The following LIPE variants were observed in gnomAD, a reference collection of about 807,000 sequenced individuals.
LIPE encodes lipase E, hormone sensitive type.
A neutral mutation model predicts 88.5 loss-of-function variants in LIPE; 66 were observed. The observed-to-expected ratio is 0.75, with a 90% confidence interval of 0.61 to 0.91. The LOEUF (loss-of-function observed/expected upper bound fraction) is 0.91. LIPE is among the 40% of genes least tolerant of loss of function. The probability of loss-of-function intolerance (pLI) is 0.00; values close to 1 mark genes in which losing one functional copy is unlikely to be tolerated. For synonymous variants in LIPE, 570 were observed against 617.5 expected, an observed-to-expected ratio of 0.92 and a Z score of 1.14; for missense variants, 1,346 against 1,434.7, an observed-to-expected ratio of 0.94 and a Z score of 1.00.
chr19:42,412,367 C>A, intron 1 of LIPE: 1 of 985,878 alleles, frequency 1.0e-6, no homozygotes, highest in Non-Finnish European at 1.2e-6. Flanking sequence ...ACACTCACCC[C>A]TCCTAGGCAT....
intron 1 of LIPE, chr19:42,423,503 C>T (rs1384035842): frequency 2.3e-6 from 3 of 1,278,688 alleles, no homozygotes; most frequent in Non-Finnish European, 3.0e-6. Flanking sequence ...GCCATAGCGG[C>T]CTCGGCGGGC....
chr19:42,425,778 C>G (rs1194047222), intron 1 of LIPE, among the ~76,000 whole-genome samples: 3 of 152,078 alleles, frequency 2.0e-5, no homozygotes, highest in Non-Finnish European at 4.4e-5. Context: ...CCAGTGCACC[C>G]CAGCCTGGGC....
intron 1 of LIPE, among the ~76,000 whole-genome samples, chr19:42,413,665 TAAAAC>T (rs940619374): frequency 8.5e-4 from 130 of 152,114 alleles, no homozygotes; most frequent in Admixed American, 2.0e-3. Context: ...GACTCTGTCT[TAAAAC>T]AAAACAAAAA....
In LIPE at chr19:42,426,294, G is replaced by C; in HGVS notation, c.856C>G (p.Arg286Gly). 2 of 1,603,170 alleles carry C rather than the reference G, an allele frequency of 1.2e-6. No homozygotes were observed. The highest frequency in any genetic ancestry group is 1.7e-6 in the Non-Finnish European group (2 of 1,170,872). The part of the protein sequence containing the change: ...GTSPHEKTSA[R>G]NHRHYQDTAS... ...GTATCCTGGTAGTGTCTGTGATTCC[G>C]AGCACTGGTTTTCTCATGTGGCGAC... is the stretch of plus-strand genomic sequence containing the variant. The change falls in exon 1 of 10, where the codon CGG becomes GGG. Residue 286 changes from arginine to glycine, a missense_variant. Arg to Gly is a moderately radical substitution (Grantham distance 125). Coordinates refer to ENST00000244289, the MANE Select transcript of LIPE (RefSeq NM_005357.4).
intron 1 of LIPE, among the ~76,000 whole-genome samples, chr19:42,412,857 G>A: frequency 6.6e-6 from 1 of 152,206 alleles, no homozygotes; most frequent in East Asian, 1.9e-4. Flanking sequence ...CAGCTGTTGG[G>A]GGGAGAGAGG....
In LIPE at chr19:42,410,829, G is replaced by C; in HGVS notation, c.897C>G (p.Ile299Met). The change falls in exon 2 of 10, where the codon ATC (isoleucine) becomes ATG (methionine). Residue 299 changes from isoleucine to methionine, a missense_variant. By Grantham distance (10) the Ile-to-Met change is conservative. Transcript: ENST00000244289. The surrounding 1 kb of genome is among the most constrained non-coding windows in gnomAD (Gnocchi z 6.1). ...RHYQDTASRL[I>M]HNMDLRTMTQ... is the part of the protein sequence containing the mutation. ...TCATTGTGCGCAGGTCCATGTTGTG[G>C]ATGAGCCTTGAGGCTGTGGGCAGGT... 1 of 1,560,508 alleles carries C rather than the reference G, an allele frequency of 6.4e-7. No individual in the cohort carries two copies. The highest frequency in any genetic ancestry group is 8.7e-7 in the Non-Finnish European group (1 of 1,150,686).
rs749513328 is a variant in LIPE, at chr19:42,402,595, T to C, written c.2967+12A>G. 7 of 1,475,714 alleles carry C rather than the reference T, an allele frequency of 4.7e-6. No homozygotes were observed. In the Admixed American group the frequency reaches 7.3e-5, roughly 15 times the overall value. 91.4% of individuals were successfully genotyped at this position (1,475,714 alleles called of 1,614,324 possible). ...TCTAAATGCACCTGTACCGGCCCCC[T>C]CTGTCGCTCACCACGATGTGCACAG... On this transcript the variant is annotated intron_variant, in intron 9 of 9. Coordinates refer to ENST00000244289, the MANE Select transcript of LIPE (RefSeq NM_005357.4).
intron 1 of LIPE, among the ~76,000 whole-genome samples, chr19:42,420,924 A>C (rs538818631): frequency 3.4e-4 from 51 of 151,878 alleles, no homozygotes; most frequent in Admixed American, 3.1e-3. Context: ...TTTTTGAGAC[A>C]AAGTCTCATT....
rs2040720904 is a variant in LIPE, at chr19:42,427,005, G to A, written c.145C>T (p.Gln49Ter). ...SKTLQGSNTQQKPASNQRPLT... is the reference protein window; with the variant it reads ...SKTLQGSNTQ ...GGTCTTTGGTTTGAAGCAGGCTTCT[G>A]TTGGGTATTGGATCCCTGCAGAGTC... is the stretch of plus-strand genomic sequence containing the variant. The change falls in exon 1 of 10, where the codon CAG becomes TAG. Residue 49 changes from glutamine to a stop codon, truncating the protein, a stop_gained. Transcript: ENST00000244289. LOFTEE classifies it high-confidence loss of function. 3 of 1,614,090 alleles carry A rather than the reference G, an allele frequency of 1.9e-6. No individual in the cohort carries two copies. Among genetic ancestry groups the A allele is most frequent in the South Asian group, 1.1e-5 (1 of 91,080 alleles).
In LIPE at chr19:42,410,021, G is replaced by T. The variant is rs924159173; in HGVS notation, c.1419+286C>A. On this transcript the variant is annotated intron_variant, in intron 2 of 9. Transcript: ENST00000244289. The surrounding 1 kb of genome is among the most constrained non-coding windows in gnomAD (Gnocchi z 6.1). ...AGGGGCCAGACAGGTAACAAAGAGT[G>T]AATACATCTCTTGCATGTAGGACAA... is the stretch of plus-strand genomic sequence containing the variant. Among the ~76,000 whole-genome samples, 1 of 152,170 alleles carries T rather than the reference G, an allele frequency of 6.6e-6. No homozygotes were observed. The highest frequency in any genetic ancestry group is 2.4e-5 in the African/African-American group (1 of 41,420).
Position 42,406,480 on chromosome 19 carries a change from C to CCCAGT in LIPE, c.2138-93_2138-92insACTGG. On this transcript the variant is annotated intron_variant, in intron 6 of 9. Coordinates refer to ENST00000244289, the MANE Select transcript of LIPE (RefSeq NM_005357.4). The surrounding 1 kb of genome is among the most constrained non-coding windows in gnomAD (Gnocchi z 5.7). ...AGGAACTCAAGCTGGGAGAACTGGG[C>CCCAGT]TCTCCAAGGTGGGGTGTGGGGCACT... is the stretch of plus-strand genomic sequence containing the variant. 3 of 1,112,430 alleles carry CCCAGT rather than the reference C, an allele frequency of 2.7e-6. No individual in the cohort carries two copies. The highest frequency in any genetic ancestry group is 4.0e-6 in the Non-Finnish European group (3 of 751,182). 68.9% of individuals were successfully genotyped at this position (1,112,430 alleles called of 1,614,324 possible).
Position 42,407,228 on chromosome 19 carries a change from G to A in LIPE, c.2083C>T (p.Leu695=), listed in dbSNP as rs1452241562. 6.4e-7 allele frequency: 1 copy of A among 1,570,528 alleles called. No homozygotes were observed. The highest frequency in any genetic ancestry group is 8.6e-7 in the Non-Finnish European group (1 of 1,157,540). Residue 695 remains leucine (L), a synonymous_variant, in exon 6 of 10, where the codon CTG becomes TTG. Coordinates refer to ENST00000244289, the MANE Select transcript of LIPE (RefSeq NM_005357.4). The surrounding 1 kb of genome is among the most constrained non-coding windows in gnomAD (Gnocchi z 5.8). ...LAPEAPFPRA[L]EECFFAYCWA... ...CAGTAGGCGAAGAAGCACTCCTCCAGCGCACGGGGGAAGGGGGCCTCAGGG... is the reference window on the plus strand; with the variant it reads ...CAGTAGGCGAAGAAGCACTCCTCCAACGCACGGGGGAAGGGGGCCTCAGGG...
chr19:42,424,115 C>T lies in LIPE; in HGVS notation c.883+2152G>A, dbSNP rs182587066. 4.4e-5 allele frequency: 52 copies of T among 1,192,198 alleles called. No homozygotes were observed. In the African/African-American group the frequency reaches 5.7e-4, roughly 13 times the overall value. 73.9% of individuals were successfully genotyped at this position (1,192,198 alleles called of 1,614,324 possible). ...TGGAGGAGGGAGCCCCGCTTTCCCTCTCCTGTCTCCTAGTTCTCCTATTGC... is the reference window on the plus strand; with the variant it reads ...TGGAGGAGGGAGCCCCGCTTTCCCTTTCCTGTCTCCTAGTTCTCCTATTGC... On this transcript the variant is annotated intron_variant, in intron 1 of 9. Coordinates refer to ENST00000244289, the MANE Select transcript of LIPE (RefSeq NM_005357.4).
intron 2 of LIPE, among the ~76,000 whole-genome samples, chr19:42,409,578 C>T (rs541135243): frequency 5.3e-5 from 8 of 152,230 alleles, no homozygotes; most frequent in South Asian, 4.1e-4. Flanking sequence ...TCTGCCCTCC[C>T]GGGGACGGAC....
In LIPE at chr19:42,408,810, C is replaced by T. The variant is rs1292047748; in HGVS notation, c.1420-488G>A. Among the ~76,000 whole-genome samples the T allele has an allele frequency of 2.0e-5, 3 of 146,342 alleles. No homozygotes were observed. The highest frequency in any genetic ancestry group is 7.5e-5 in the African/African-American group (3 of 39,820). On this transcript the variant is annotated intron_variant, in intron 2 of 9. Coordinates refer to ENST00000244289, the MANE Select transcript of LIPE (RefSeq NM_005357.4). This position sits in a 1 kb window ranked among gnomAD's most constrained non-coding sequence, Gnocchi z 4.3. ...CTGCACTCCAGCCTGGGCGACAGAGCGAGACTCTGTCTCTAAAAAAAAAAA... is the reference window on the plus strand; with the variant it reads ...CTGCACTCCAGCCTGGGCGACAGAGTGAGACTCTGTCTCTAAAAAAAAAAA...
At position 42,410,872 on chromosome 19, in the gene LIPE, G is replaced by A; in HGVS notation, c.884-30C>T. Reference sequence around the variant, plus strand: ...GGGCAGGTGGGGAGGCCTGTTAGGTGGGGCTGGATCAAGCCTTGCTTAGCT... The same window carrying A: ...GGGCAGGTGGGGAGGCCTGTTAGGTAGGGCTGGATCAAGCCTTGCTTAGCT... On this transcript the variant is annotated intron_variant, in intron 1 of 9. Coordinates refer to ENST00000244289, the MANE Select transcript of LIPE (RefSeq NM_005357.4). The surrounding 1 kb of genome is among the most constrained non-coding windows in gnomAD (Gnocchi z 6.1). The A allele has an allele frequency of 6.6e-7, 1 of 1,519,696 alleles. No homozygotes were observed. The highest frequency in any genetic ancestry group is 8.8e-7 in the Non-Finnish European group (1 of 1,136,458). 94.1% of individuals were successfully genotyped at this position (1,519,696 alleles called of 1,614,324 possible).
Position 42,410,280 on chromosome 19 carries a change from C to A in LIPE, c.1419+27G>T. The stretch of plus-strand genomic sequence containing the variant: ...CCACCAGGTGCCTTCATTGTGGGCC[C>A]AGAGGGGCACGGGGCAGGGGGCTCA... On this transcript the variant is annotated intron_variant, in intron 2 of 9. Transcript: ENST00000244289. The surrounding 1 kb of genome is among the most constrained non-coding windows in gnomAD (Gnocchi z 6.1). 1 of 1,534,468 alleles carries A rather than the reference C, an allele frequency of 6.5e-7. No homozygotes were observed. Among genetic ancestry groups the A allele is most frequent in the Non-Finnish European group, 8.8e-7 (1 of 1,136,968 alleles).
In LIPE at chr19:42,410,693, C is replaced by T. The variant is rs1481214291; in HGVS notation, c.1033G>A (p.Ala345Thr). 9.9e-6 allele frequency: 16 copies of T among 1,613,212 alleles called. No homozygotes were observed. Among genetic ancestry groups the T allele is most frequent in the African/African-American group, 1.3e-5 (1 of 75,042 alleles). Residue 345 changes from alanine (A) to threonine (T), a missense_variant, in exon 2 of 10, where the codon GCG (alanine) becomes ACG (threonine). Physicochemically the swap from Ala to Thr is moderately conservative, Grantham distance 58 (BLOSUM62 0). Transcript: ENST00000244289. This position sits in a 1 kb window ranked among gnomAD's most constrained non-coding sequence, Gnocchi z 6.1. ...SGVFAGVREQ[A>T]LGLEPALGRL... ...CCCAGGGCCGGCTCCAGCCCCAGCG[C>T]CTGCTCCCGTACACCGGCAAAAACG...
chr19:42,425,890 C>T (rs2040697450), intron 1 of LIPE, among the ~76,000 whole-genome samples: 1 of 152,102 alleles, frequency 6.6e-6, no homozygotes, highest in Non-Finnish European at 1.5e-5. Context: ...GCAACCTTTG[C>T]CTCCCGGGTT....
Sources: gnomAD v4.1 joint callset for allele counts (sites outside exome capture counted in the v4.1 genomes callset) on GRCh38, gnomAD v4.1.1 for gene constraint, Gnocchi (gnomAD v3.1) non-coding constraint, MANE v1.5 for transcripts, NCBI Gene and HGNC (gene_info 2026-07-23, HGNC 2026-07-21) for gene names.